The following KMT2C variants were observed in gnomAD, a reference collection of about 807,000 sequenced individuals.
KMT2C encodes the protein histone-lysine N-methyltransferase 2C.
In KMT2C, 88 loss-of-function variants were observed where a neutral mutation model predicts 507.9. That is an observed-to-expected ratio of 0.17 (90% CI 0.15 to 0.21). The LOEUF (loss-of-function observed/expected upper bound fraction) is 0.21, where lower values mean the gene tolerates loss of function less well. Among genes scored for constraint, KMT2C ranks in the 10% least tolerant of loss-of-function variants. The pLI is 1.00. For synonymous variants in KMT2C, 2,049 were observed against 2,080.8 expected (o/e 0.98, Z 0.42); for missense variants, 4,954 against 5,957.8 (o/e 0.83, Z 5.55).
intron 2 of KMT2C, among the ~76,000 whole-genome samples, chr7:152,334,279 C>T (rs904820572): frequency 1.3e-5 from 2 of 152,070 alleles, no homozygotes; most frequent in African/African-American, 4.8e-5. Context: ...ATGGAGAAAC[C>T]CCATCTCTAC....
intron 6 of KMT2C, among the ~76,000 whole-genome samples, chr7:152,301,610 C>T (rs1315010350): frequency 6.6e-5 from 10 of 152,112 alleles, no homozygotes; most frequent in East Asian, 1.9e-4. Flanking sequence ...CTGCTTGAGC[C>T]TAAGAAGTCA....
chr7:152,304,011 G>A (rs548667576), intron 6 of KMT2C, among the ~76,000 whole-genome samples: 9 of 151,922 alleles, frequency 5.9e-5, no homozygotes, highest in Admixed American at 2.6e-4. Flanking sequence ...AAAAGAGAGA[G>A]AAGACATACA....
chr7:152,162,400 T>C lies in KMT2C; in HGVS notation c.11177A>G (p.Glu3726Gly), dbSNP rs537682415. ...AGGCTCCTCTTGGCCTGGGCAGGAC[T>C]CTGTCTCAGCCTTTTCCAGTTTTAT... Reference protein sequence around the residue: ...EEIKLEKAETESCPGQEEPKL... With the variant: ...EEIKLEKAETGSCPGQEEPKL... Residue 3726 changes from glutamate (E) to glycine (G), a missense_variant, in exon 43 of 59, where the codon GAG becomes GGG. Coordinates refer to ENST00000262189, the MANE Select transcript of KMT2C (RefSeq NM_170606.3). 2.5e-6 allele frequency: 4 copies of C among 1,614,258 alleles called. No homozygotes were observed. Among genetic ancestry groups the C allele is most frequent in the Non-Finnish European group, 3.4e-6 (4 of 1,180,040 alleles).
chr7:152,375,049 T>C (rs1217356075), intron 1 of KMT2C, among the ~76,000 whole-genome samples: 1 of 152,050 alleles, frequency 6.6e-6, no homozygotes, highest in Non-Finnish European at 1.5e-5. Context: ...TAATAAGTTG[T>C]TTGTTTGTTT....
intron 6 of KMT2C, among the ~76,000 whole-genome samples, chr7:152,302,852 T>C (rs141036994): frequency 0.01 from 1,515 of 151,286 alleles, 37 homozygotes; most frequent in African/African-American, 0.035. Context: ...CCATGTTGGT[T>C]AGGCTGGTCT....
chr7:152,416,649 A>ACCTG (rs2097740194), intron 1 of KMT2C, among the ~76,000 whole-genome samples: 3 of 151,404 alleles, frequency 2.0e-5, no homozygotes, highest in African/African-American at 7.3e-5. Flanking sequence ...GCTTGATCTC[A>ACCTG]GGAGGCGGAG....
chr7:152,290,254 A>ATGTGTGTGTGTG (rs1285878646), intron 6 of KMT2C, among the ~76,000 whole-genome samples: 2 of 41,612 alleles, frequency 4.8e-5, no homozygotes, highest in African/African-American at 7.8e-5. Flanking sequence ...GTGTGTGTGT[A>ATGTGTGTGTGTG]TGTGTATATA....
chr7:152,331,497 G>A (rs569796908), intron 2 of KMT2C, among the ~76,000 whole-genome samples: 6 of 151,352 alleles, frequency 4.0e-5, no homozygotes, highest in Non-Finnish European at 8.8e-5. Context: ...TAGTCCTAGC[G>A]ACTCTGGTGG....
At chr7:152,249,671 T>TC (rs2095531199) in intron 13 of KMT2C, among the ~76,000 whole-genome samples, 14 of 23,010 alleles carry the variant, frequency 6.1e-4, no homozygotes, top group Non-Finnish European at 1.0e-3. Context: ...ACCTCCCCCC[T>TC]CCAAAAAAAA....
At chr7:152,203,301 CG>C (rs2094201315) in intron 25 of KMT2C, among the ~76,000 whole-genome samples, 1 of 151,614 alleles carries the variant, frequency 6.6e-6, no homozygotes, top group South Asian at 2.1e-4. Flanking sequence ...AAAGCAAAAA[CG>C]TATTTATTTA....
chr7:152,206,482 G>A (rs760488869), intron 24 of KMT2C, among the ~76,000 whole-genome samples: 2 of 151,958 alleles, frequency 1.3e-5, no homozygotes, highest in Admixed American at 6.6e-5. Context: ...CATGGAATAC[G>A]AATGAAGTAA....
intron 3 of KMT2C, among the ~76,000 whole-genome samples, chr7:152,327,115 T>C (rs35829745): frequency 0.019 from 2,928 of 152,286 alleles, 36 homozygotes; most frequent in Non-Finnish European, 0.03. Flanking sequence ...TAAATAACAA[T>C]GGCATTGCTT....
chr7:152,140,821 G>C (rs2090451705), intron 55 of KMT2C, among the ~76,000 whole-genome samples: 1 of 152,198 alleles, frequency 6.6e-6, no homozygotes, highest in Non-Finnish European at 1.5e-5. Flanking sequence ...CTCTGAACAA[G>C]CATCTTTGAT....
Position 152,346,072 on chromosome 7 carries a change from A to G in KMT2C, c.250+12515T>C, listed in dbSNP as rs1229606685. On this transcript the variant is annotated intron_variant, in intron 2 of 58. Transcript: ENST00000262189. The stretch of plus-strand genomic sequence containing the variant: ...TAATTCCCAAGACATCAGTGTGTCT[A>G]AACAGAACATCAAAATATGTGAAGC... Among the ~76,000 whole-genome samples, 4 of 152,198 alleles carry G rather than the reference A, an allele frequency of 2.6e-5. No individual in the cohort carries two copies. In the East Asian group the frequency reaches 7.7e-4, roughly 29 times the overall value.
At chr7:152,206,554 A>G (rs1482831195) in intron 24 of KMT2C, among the ~76,000 whole-genome samples, 1 of 152,306 alleles carries the variant, frequency 6.6e-6, no homozygotes, top group South Asian at 2.1e-4. Flanking sequence ...AATATAAGCA[A>G]TAAGAAGCAT....
chr7:152,370,740 G>A (rs976968520), intron 1 of KMT2C, among the ~76,000 whole-genome samples: 1 of 152,224 alleles, frequency 6.6e-6, no homozygotes, highest in African/African-American at 2.4e-5. Flanking sequence ...TACCATGTTA[G>A]AAGTCTAAAT....
chr7:152,367,009 C>T, intron 1 of KMT2C: 1 of 584,400 alleles, frequency 1.7e-6, no homozygotes, highest in Admixed American at 3.0e-5. Flanking sequence ...CCTTGCCTCA[C>T]CTGAGCCTGG....
chr7:152,434,361 A>G (rs1455263761), intron 1 of KMT2C, among the ~76,000 whole-genome samples: 2 of 152,216 alleles, frequency 1.3e-5, no homozygotes, highest in South Asian at 2.1e-4. Flanking sequence ...TAGTAAAAGG[A>G]CAGCGGGGCA....
chr7:152,238,856 T>G (rs780449168), intron 14 of KMT2C, 30 bp from the exon 15 acceptor site: 6 of 1,571,456 alleles, frequency 3.8e-6, no homozygotes, highest in African/African-American at 1.4e-5. Context: ...AAAATAGATG[T>G]GTAAAACTCA....
Sources: allele counts gnomAD v4.1 joint callset (sites outside exome capture counted in the v4.1 genomes callset), GRCh38; gene constraint gnomAD v4.1.1; transcripts MANE v1.5; gene names NCBI Gene and HGNC (gene_info 2026-07-23, HGNC 2026-07-21).